The following LRRFIP1 variants were observed in gnomAD, a reference collection of about 807,000 sequenced individuals.
LRRFIP1 encodes the protein leucine-rich repeat flightless-interacting protein 1.
Under a neutral mutation model 104.4 loss-of-function variants are expected in LRRFIP1, and 62 were observed. That is an observed-to-expected ratio of 0.59 (90% CI 0.48 to 0.73). The LOEUF (loss-of-function observed/expected upper bound fraction) is 0.73. LRRFIP1 is among the 30% of genes least tolerant of loss of function. The pLI, the probability that LRRFIP1 is intolerant of heterozygous loss-of-function variation, is 0.00. For missense variants in LRRFIP1, 796 were observed against 824.5 expected (o/e 0.97, Z 0.42); for synonymous variants, 300 against 299.0 (o/e 1.00, Z -0.03).
At chr2:237,764,056 A>G (rs996192307) in intron 19 of LRRFIP1, 44 of 1,614,114 alleles carry the variant, frequency 2.7e-5, no homozygotes, top group Admixed American at 1.0e-4. Flanking sequence ...GAAGAGAGCC[A>G]GGGCACTTCA....
At chr2:237,631,537 G>A (rs4663772) in intron 1 of LRRFIP1, among the ~76,000 whole-genome samples, 63,884 of 152,112 alleles carry the variant, frequency 0.42, 13,711 homozygotes, top group East Asian at 0.45. Context: ...GTTATCAGGA[G>A]AAAGGTTTAG....
intron 23 of LRRFIP1, among the ~76,000 whole-genome samples, chr2:237,778,135 A>G (rs1031635882): frequency 6.6e-6 from 1 of 152,156 alleles, no homozygotes; most frequent in Non-Finnish European, 1.5e-5. Flanking sequence ...CTCTCACTCA[A>G]ATGGTTTGTC....
chr2:237,741,901 G>A (rs1044922391), intron 11 of LRRFIP1, among the ~76,000 whole-genome samples: 3 of 152,106 alleles, frequency 2.0e-5, no homozygotes, highest in African/African-American at 7.2e-5. Flanking sequence ...GAATGTTGTG[G>A]CTTTACTTTC....
intron 1 of LRRFIP1, among the ~76,000 whole-genome samples, chr2:237,645,890 C>T (rs534119651): frequency 0.013 from 1,926 of 152,022 alleles, 62 homozygotes; most frequent in African/African-American, 0.043. Flanking sequence ...AAGCCCTGTC[C>T]ACTGGGTTCT....
At chr2:237,681,711 G>A (rs867224311) in intron 1 of LRRFIP1, among the ~76,000 whole-genome samples, 12 of 20,548 alleles carry the variant, frequency 5.8e-4, no homozygotes, top group South Asian at 1.4e-3. Flanking sequence ...ACGGAGTCTC[G>A]CTCTGTCGCC....
intron 1 of LRRFIP1, among the ~76,000 whole-genome samples, chr2:237,689,896 G>C (rs980544228): frequency 6.6e-5 from 10 of 152,206 alleles, no homozygotes; most frequent in Non-Finnish European, 1.5e-4. Flanking sequence ...GGATCCCCGT[G>C]TTAGAGCCTT....
chr2:237,769,893 A>G, intron 19 of LRRFIP1, 50 bp from the exon 20 acceptor site: 1 of 1,374,648 alleles, frequency 7.3e-7, no homozygotes, highest in Non-Finnish European at 1.0e-6. Flanking sequence ...ATGTGCTGAA[A>G]GGCGCGGCAC....
rs1418348888 is a variant in LRRFIP1 at position 237,628,071 on chromosome 2, G to A, written c.96+331G>A. On this transcript the variant is annotated intron_variant, in intron 1 of 23. Transcript: ENST00000308482. Reference sequence around the variant, plus strand: ...GCCGCCAGCGCGCGAGGTGGCCCGGGCTGGCCGGGTGGGGGCGAGCGCCCC... The same window carrying A: ...GCCGCCAGCGCGCGAGGTGGCCCGGACTGGCCGGGTGGGGGCGAGCGCCCC... 3.9e-5 allele frequency among the ~76,000 whole-genome samples: 6 copies of A among 152,164 alleles called. No individual in the cohort carries two copies. In the East Asian group the frequency reaches 9.7e-4, roughly 25 times the overall value.
chr2:237,715,526 G>A lies in LRRFIP1; in HGVS notation c.201+1250G>A, dbSNP rs117119009. On this transcript the variant is annotated intron_variant, in intron 3 of 23. Transcript: ENST00000308482. ...GCCAGGGATACATTGTGAGAACTTT[G>A]TCAGAATGTGAATTTGTGTAGAATG... Among the ~76,000 whole-genome samples, 14 of 152,288 alleles carry A rather than the reference G, an allele frequency of 9.2e-5. No individual in the cohort carries two copies. In the East Asian group the frequency reaches 2.5e-3, roughly 27 times the overall value.
At chr2:237,651,268 C>A (rs1350769279) in intron 1 of LRRFIP1, among the ~76,000 whole-genome samples, 2 of 152,170 alleles carry the variant, frequency 1.3e-5, no homozygotes, top group Admixed American at 1.3e-4. Context: ...AAGCACATTC[C>A]AGGTGCAGGG....
rs943906698 is a variant in LRRFIP1 at position 237,735,670 on chromosome 2, A to G, written c.555+337A>G. On this transcript the variant is annotated intron_variant, in intron 10 of 23. Coordinates refer to ENST00000308482, the MANE Select transcript of LRRFIP1 (RefSeq NM_001137550.2). This position sits in a 1 kb window ranked among gnomAD's most constrained non-coding sequence, Gnocchi z 4.6. Reference sequence around the variant, plus strand: ...AGGACAACTTGACAGACCACACATCATTCTCGTCCCTGGATAGTTGAGGAA... The same window carrying G: ...AGGACAACTTGACAGACCACACATCGTTCTCGTCCCTGGATAGTTGAGGAA... 2.7e-5 allele frequency: 7 copies of G among 259,246 alleles called. No homozygotes were observed. The highest frequency in any genetic ancestry group is 4.5e-5 in the African/African-American group (2 of 44,904). 16.1% of individuals were successfully genotyped at this position (259,246 alleles called of 1,614,324 possible).
At chr2:237,733,864 G>C (rs1450548980) in intron 9 of LRRFIP1, 46 bp downstream of exon 9, 1 of 1,601,542 alleles carries the variant, frequency 6.2e-7, no homozygotes, top group African/African-American at 1.3e-5. Flanking sequence ...CTCCCACTGT[G>C]CATGCACCGC....
chr2:237,670,266 C>A (rs2149534830), intron 1 of LRRFIP1, among the ~76,000 whole-genome samples: 1 of 152,310 alleles, frequency 6.6e-6, no homozygotes, highest in Non-Finnish European at 1.5e-5. Flanking sequence ...TCGGTGTGTC[C>A]CTTGGCTGTG....
intron 3 of LRRFIP1, among the ~76,000 whole-genome samples, chr2:237,714,554 T>A (rs1473009130): frequency 6.6e-6 from 1 of 152,250 alleles, no homozygotes; most frequent in Non-Finnish European, 1.5e-5. Context: ...AGAAGAAAAG[T>A]AATTCTAAGG....
chr2:237,775,425 G>A (rs570458647), intron 23 of LRRFIP1, among the ~76,000 whole-genome samples: 4 of 152,236 alleles, frequency 2.6e-5, no homozygotes, highest in Non-Finnish European at 5.9e-5. Flanking sequence ...ACCTCAGCCC[G>A]TGAGGCAGGG....
At chr2:237,659,525 A>G (rs189819859) in intron 1 of LRRFIP1, among the ~76,000 whole-genome samples, 166 of 150,906 alleles carry the variant, frequency 1.1e-3, no homozygotes, top group Non-Finnish European at 1.6e-3. Context: ...ATGGAACCAC[A>G]AAACAACAAG....
chr2:237,736,790 G>A (rs971692326), intron 10 of LRRFIP1, among the ~76,000 whole-genome samples: 1 of 152,224 alleles, frequency 6.6e-6, no homozygotes, highest in African/African-American at 2.4e-5. Context: ...CTGTGAGCAG[G>A]AAATTAGCAC....
rs58906638 is a variant in LRRFIP1, at chr2:237,697,292, G to C, written c.97-11252G>C. Among the ~76,000 whole-genome samples the C allele has an allele frequency of 7.4e-3, 1,127 of 152,212 alleles. 13 individuals are homozygous for C. The highest frequency in any genetic ancestry group is 0.026 in the African/African-American group (1,076 of 41,526). On this transcript the variant is annotated intron_variant, in intron 1 of 23. Coordinates refer to ENST00000308482, the MANE Select transcript of LRRFIP1 (RefSeq NM_001137550.2). ...CCCATCTCGGCCTCCCAAAGTGCTG[G>C]GATTACAGGCATGAGCCACCACACC...
chr2:237,767,006 C>CA (rs368919756), intron 19 of LRRFIP1, among the ~76,000 whole-genome samples: 7 of 151,814 alleles, frequency 4.6e-5, no homozygotes, highest in South Asian at 2.1e-4. Context: ...CCCATCTCTA[C>CA]AAAAAAAATA....
Sources: allele counts gnomAD v4.1 joint callset (sites outside exome capture counted in the v4.1 genomes callset), GRCh38; gene constraint gnomAD v4.1.1; non-coding constraint Gnocchi (gnomAD v3.1); transcripts MANE v1.5; gene names NCBI Gene and HGNC (gene_info 2026-07-23, HGNC 2026-07-21).